The following PRMT2 variants were observed in gnomAD, a reference collection of about 807,000 sequenced individuals.
PRMT2 encodes protein arginine N-methyltransferase 2.
In PRMT2, 26 loss-of-function variants were observed where a neutral mutation model predicts 57.6. The observed-to-expected ratio is 0.45, with a 90% confidence interval of 0.33 to 0.63. The LOEUF (loss-of-function observed/expected upper bound fraction) is 0.63, where lower values mean the gene tolerates loss of function less well. Among genes scored for constraint, PRMT2 ranks in the 20% least tolerant of loss-of-function variants. The pLI is 0.02. For synonymous variants in PRMT2, 219 were observed against 220.0 expected, an observed-to-expected ratio of 1.00 and a Z score of 0.04; for missense variants, 472 against 564.4, an observed-to-expected ratio of 0.84 and a Z score of 1.66.
chr21:46,650,304 G>C (rs1238838653), intron 7 of PRMT2, among the ~76,000 whole-genome samples: 3 of 151,482 alleles, frequency 2.0e-5, no homozygotes, highest in African/African-American at 7.3e-5. Flanking sequence ...CTGTCTTCCT[G>C]GGCTCAGCAT....
At chr21:46,643,314 C>T (rs554849338) in intron 3 of PRMT2, 2 of 866,538 alleles carry the variant, frequency 2.3e-6, no homozygotes, top group South Asian at 4.9e-5. Flanking sequence ...CTTTGATGTT[C>T]TCTTTTAGGG....
chr21:46,638,883 A>G (rs1408680192), intron 3 of PRMT2, among the ~76,000 whole-genome samples: 1 of 151,714 alleles, frequency 6.6e-6, no homozygotes, highest in Non-Finnish European at 1.5e-5. Flanking sequence ...CTGTTTTTCT[A>G]TTTCATTGAT....
rs1273080766 is a variant in PRMT2, at chr21:46,661,944, T to C, written c.1097+8T>C. ...CACCGGGCCCTTCCACCCGTGAGTG[T>C]GCGGGGCGCGGGCACGGGGTGCGGG... On this transcript the variant is annotated splice_region_variant and intron_variant, in intron 10 of 11. Transcript: ENST00000355680. 3.1e-6 allele frequency: 3 copies of C among 971,158 alleles called. No homozygotes were observed. The highest frequency in any genetic ancestry group is 7.1e-5 in the East Asian group (1 of 14,088). 60.2% of individuals were successfully genotyped at this position (971,158 alleles called of 1,614,324 possible).
At chr21:46,637,738 C>T (rs1024810133) in intron 3 of PRMT2, among the ~76,000 whole-genome samples, 14 of 151,762 alleles carry the variant, frequency 9.2e-5, no homozygotes, top group African/African-American at 2.9e-4. Flanking sequence ...AAACAGTGTA[C>T]ATTAAGCTAT....
rs1484584457 is a variant in PRMT2, at chr21:46,661,851, G to A, written c.1012G>A (p.Gly338Ser). Residue 338 changes from glycine (G) to serine (S), a missense_variant, in exon 10 of 12, where the codon GGC (glycine) becomes AGC (serine). Physicochemically the swap from Gly to Ser is moderately conservative, Grantham distance 56 (BLOSUM62 0). Transcript: ENST00000355680. Reference sequence around the variant, plus strand: ...CATCAGGAAGGCGGGGACCCTGCACGGCTTCACGGCCTGGTTTAGCGTCCA... The same window carrying A: ...CATCAGGAAGGCGGGGACCCTGCACAGCTTCACGGCCTGGTTTAGCGTCCA... ...FDIRKAGTLH[G>S]FTAWFSVHFQ... The A allele has an allele frequency of 2.6e-6, 4 of 1,517,088 alleles. No individual in the cohort carries two copies. Among genetic ancestry groups the A allele is most frequent in the Non-Finnish European group, 3.5e-6 (4 of 1,127,458 alleles). The allele number at this position is 1,517,088 out of a possible 1,614,324, so 94.0% of individuals were successfully genotyped here.
chr21:46,661,258 A>G (rs1244615197), intron 9 of PRMT2: 1 of 238,384 alleles, frequency 4.2e-6, no homozygotes, highest in Non-Finnish European at 8.0e-6. Context: ...CAAATAAATT[A>G]TATTTCGTTT....
rs1475753829 is a variant in PRMT2 at position 46,649,383 on chromosome 21, G to A, written c.490-192G>A. ...CCGGGAGGTGGGGGCAGTTGGGAGG[G>A]TTAGAGGCGGCTCCTTTCTGGGTGC... On this transcript the variant is annotated intron_variant, in intron 6 of 11. Transcript: ENST00000355680. The surrounding 1 kb of genome is among the most constrained non-coding windows in gnomAD (Gnocchi z 4.8). The A allele has an allele frequency of 1.2e-6, 1 of 808,524 alleles. No individual in the cohort carries two copies. The highest frequency in any genetic ancestry group is 2.1e-6 in the Non-Finnish European group (1 of 487,294). The allele number at this position is 808,524 out of a possible 1,614,324, so 50.1% of individuals were successfully genotyped here.
rs2061227141 is a variant in PRMT2 at position 46,639,256 on chromosome 21, G to A, written c.39+2266G>A. Reference sequence around the variant, plus strand: ...TGAAATTTATTCAGGCTTGCTTTATGTTCTAATCATATGGAATATGTTGGT... The same window carrying A: ...TGAAATTTATTCAGGCTTGCTTTATATTCTAATCATATGGAATATGTTGGT... On this transcript the variant is annotated intron_variant, in intron 3 of 11. Coordinates refer to ENST00000355680, the MANE Select transcript of PRMT2 (RefSeq NM_206962.4). 2.0e-5 allele frequency among the ~76,000 whole-genome samples: 3 copies of A among 152,108 alleles called. No individual in the cohort carries two copies. The South Asian group carries it at 6.2e-4, about 32-fold the overall frequency.
chr21:46,638,111 A>C (rs1200431280), intron 3 of PRMT2, among the ~76,000 whole-genome samples: 1 of 152,194 alleles, frequency 6.6e-6, no homozygotes, highest in Non-Finnish European at 1.5e-5. Flanking sequence ...TATGGCTTAT[A>C]TAGATATACT....
chr21:46,663,353 C>T (rs1002032631), intron 10 of PRMT2, 30 bp from the exon 11 acceptor site: 1 of 1,591,926 alleles, frequency 6.3e-7, no homozygotes, highest in Admixed American at 1.7e-5. Context: ...CTAGCTCAGC[C>T]TCCAGGTCAC....
rs1211904273 is a variant in PRMT2 at position 46,658,719 on chromosome 21, C to T, written c.655-26C>T. ...CAGCCGCGGGGCCTGTGATGTGTCT[C>T]CTGTGTGTCTTTCACTCCTATGCAG... On this transcript the variant is annotated intron_variant, in intron 7 of 11. Transcript: ENST00000355680. 4 of 1,611,382 alleles carry T rather than the reference C, an allele frequency of 2.5e-6. No homozygotes were observed. The African/African-American group carries it at 4.0e-5, about 16-fold the overall frequency.
chr21:46,660,582 G>T (rs1184720733), intron 8 of PRMT2, among the ~76,000 whole-genome samples: 8 of 152,166 alleles, frequency 5.3e-5, no homozygotes, highest in Non-Finnish European at 1.2e-4. Context: ...TGACTGGCAG[G>T]CTCCTTAATG....
At position 46,664,359 on chromosome 21, in the gene PRMT2, A is replaced by G. The variant is rs776409455; in HGVS notation, c.*32A>G. On this transcript the variant is annotated 3_prime_UTR_variant, in exon 12 of 12. Transcript: ENST00000355680. ...ATGCTTTATTTGGAAAGCAGTGTGCATATCTTGAGGGGTGATGAACACAAG... is the reference window on the plus strand; with the variant it reads ...ATGCTTTATTTGGAAAGCAGTGTGCGTATCTTGAGGGGTGATGAACACAAG... The G allele has an allele frequency of 2.5e-6, 4 of 1,614,066 alleles. No individual in the cohort carries two copies. Among genetic ancestry groups the G allele is most frequent in the South Asian group, 1.1e-5 (1 of 91,086 alleles).
At chr21:46,636,754 A>G (rs1338965602) in intron 2 of PRMT2, 142 bp from the exon 3 acceptor site, 2 of 554,566 alleles carry the variant, frequency 3.6e-6, no homozygotes, top group Non-Finnish European at 6.3e-6. Flanking sequence ...AGTATTGTAA[A>G]TTTTCATTTC....
intron 7 of PRMT2, chr21:46,651,681 C>A: frequency 9.2e-7 from 1 of 1,090,144 alleles, no homozygotes; most frequent in East Asian, 2.6e-5. Context: ...ACAGGGCAGA[C>A]GGGGCTGCAA....
Position 46,661,822 on chromosome 21 carries a change from T to G in PRMT2, c.983T>G (p.Phe328Cys). The part of the protein sequence containing the change: ...DLETLRGELR[F>C]DIRKAGTLHG... Reference sequence around the variant, plus strand: ...CAGACCCTGAGGGGCGAGCTGCGCTTCGACATCAGGAAGGCGGGGACCCTG... The same window carrying G: ...CAGACCCTGAGGGGCGAGCTGCGCTGCGACATCAGGAAGGCGGGGACCCTG... The change falls in exon 10 of 12, where the codon TTC (phenylalanine) becomes TGC (cysteine). Residue 328 changes from phenylalanine (F) to cysteine (C), a missense_variant. Physicochemically the swap from Phe to Cys is radical, Grantham distance 205. Transcript: ENST00000355680. 6.8e-7 allele frequency: 1 copy of G among 1,481,198 alleles called. No homozygotes were observed. Among genetic ancestry groups the G allele is most frequent in the Non-Finnish European group, 9.0e-7 (1 of 1,107,872 alleles). 91.8% of individuals were successfully genotyped at this position (1,481,198 alleles called of 1,614,324 possible).
At chr21:46,643,686 G>A in intron 4 of PRMT2, 47 bp downstream of exon 4, 2 of 1,542,302 alleles carry the variant, frequency 1.3e-6, no homozygotes, top group Non-Finnish European at 1.7e-6. Context: ...AGCATGTTCA[G>A]TGTCAAAAGG....
At position 46,652,057 on chromosome 21, in the gene PRMT2, A is replaced by G. The variant is rs534836561; in HGVS notation, c.654+2318A>G. 11 of 1,606,720 alleles carry G rather than the reference A, an allele frequency of 6.8e-6. No homozygotes were observed. In the Admixed American group the frequency reaches 1.9e-4, roughly 27 times the overall value. On this transcript the variant is annotated intron_variant, in intron 7 of 11. Transcript: ENST00000355680. ...GACAGAGAAGAGTGCATGTGCGTTT[A>G]GCATAGGAGGGGCAGCTTTCAGTCA...
chr21:46,647,578 T>C (rs944383035), intron 5 of PRMT2, among the ~76,000 whole-genome samples: 1 of 152,210 alleles, frequency 6.6e-6, no homozygotes, highest in Non-Finnish European at 1.5e-5. Flanking sequence ...CATAGTGCAC[T>C]GTATCCTCAA....
Sources: allele counts gnomAD v4.1 joint callset (sites outside exome capture counted in the v4.1 genomes callset), GRCh38; gene constraint gnomAD v4.1.1; non-coding constraint Gnocchi (gnomAD v3.1); transcripts MANE v1.5; gene names NCBI Gene and HGNC (gene_info 2026-07-23, HGNC 2026-07-21).